SUGCT: variants seen among roughly 807,000 people sequenced by gnomAD.
SUGCT encodes the protein succinyl-CoA:glutarate CoA-transferase.
Under a neutral mutation model 55.0 loss-of-function variants are expected in SUGCT, and 41 were observed. The ratio of observed to expected loss-of-function variants is 0.74; its 90% confidence interval spans 0.58 to 0.97. The LOEUF is 0.97. SUGCT is among the 50% of genes least tolerant of loss of function. SUGCT has a pLI of 0.00. For synonymous variants in SUGCT, 187 were observed against 200.4 expected (o/e 0.93, Z 0.56); for missense variants, 568 against 547.8 (o/e 1.04, Z -0.37).
At chr7:40,325,385 G>C (rs1185571564) in intron 9 of SUGCT, among the ~76,000 whole-genome samples, 2 of 152,016 alleles carry the variant, frequency 1.3e-5, no homozygotes, top group South Asian at 2.1e-4. Context: ...AATAATTGTT[G>C]TATTAGTAAT....
chr7:40,162,591 G>A (rs983149221), intron 1 of SUGCT, among the ~76,000 whole-genome samples: 5 of 152,052 alleles, frequency 3.3e-5, no homozygotes, highest in South Asian at 2.1e-4. Flanking sequence ...ATCCTTCCAC[G>A]TCAGCCTCCT....
chr7:40,863,271 G>T (rs990036341), downstream of SUGCT, among the ~76,000 whole-genome samples: 2 of 152,070 alleles, frequency 1.3e-5, no homozygotes, highest in African/African-American at 2.4e-5. Context: ...GTTCATACCA[G>T]GACATTAGGC....
intron 8 of SUGCT, among the ~76,000 whole-genome samples, chr7:40,313,028 A>G (rs1412879746): frequency 1.3e-5 from 2 of 152,174 alleles, no homozygotes; most frequent in African/African-American, 2.4e-5. Flanking sequence ...ATAATTGGGC[A>G]TATTCTTCCT....
At chr7:40,927,411 C>T in the SUGCT span, among the ~76,000 whole-genome samples, 30 of 152,268 alleles carry the variant, frequency 2.0e-4, no homozygotes, top group Non-Finnish European at 4.3e-4. Context: ...ACAATATCCT[C>T]TGCATGCTTG....
At chr7:40,142,116 A>G (rs1788020519) in intron 1 of SUGCT, among the ~76,000 whole-genome samples, 1 of 152,108 alleles carries the variant, frequency 6.6e-6, no homozygotes, top group Admixed American at 6.6e-5. Flanking sequence ...TTAGGGTGGA[A>G]TAGGTAACTG....
the SUGCT span, among the ~76,000 whole-genome samples, chr7:40,938,775 G>C: frequency 3.9e-4 from 60 of 152,096 alleles, no homozygotes; most frequent in Non-Finnish European, 6.9e-4. Context: ...ATAGTATTTG[G>C]TTTTTTATTC....
intron 12 of SUGCT, among the ~76,000 whole-genome samples, chr7:40,697,087 T>C (rs781010931): frequency 5.9e-5 from 9 of 152,118 alleles, no homozygotes; most frequent in Non-Finnish European, 1.0e-4. Context: ...CACTCACACG[T>C]AACACACACA....
the SUGCT span, among the ~76,000 whole-genome samples, chr7:40,924,661 T>G: frequency 6.6e-6 from 1 of 152,120 alleles, no homozygotes; most frequent in South Asian, 2.1e-4. Flanking sequence ...CTCCTTCAAC[T>G]AGGTATCCAT....
At chr7:40,351,750 CTA>C (rs1562705633) in intron 9 of SUGCT, among the ~76,000 whole-genome samples, 1 of 152,134 alleles carries the variant, frequency 6.6e-6, no homozygotes, top group East Asian at 1.9e-4. Flanking sequence ...GCCAACTTAT[CTA>C]TGTTTTTGTC....
intron 6 of SUGCT, among the ~76,000 whole-genome samples, chr7:40,224,547 G>C (rs966559686): frequency 2.6e-5 from 4 of 152,106 alleles, no homozygotes; most frequent in Non-Finnish European, 5.9e-5. Flanking sequence ...TTGAATAATA[G>C]TTTTGAAGAC....
At chr7:40,575,700 C>T (rs1479262886) in intron 12 of SUGCT, among the ~76,000 whole-genome samples, 2 of 151,854 alleles carry the variant, frequency 1.3e-5, no homozygotes, top group East Asian at 1.9e-4. Flanking sequence ...AATCCCAGCA[C>T]TTTGGGAGGC....
chr7:40,584,668 A>G (rs1797282003), intron 12 of SUGCT, among the ~76,000 whole-genome samples: 1 of 152,226 alleles, frequency 6.6e-6, no homozygotes, highest in Non-Finnish European at 1.5e-5. Flanking sequence ...GACAGGAGAA[A>G]CTAAGGAATT....
At chr7:40,318,910 A>G (rs1298861360) in intron 9 of SUGCT, among the ~76,000 whole-genome samples, 1 of 152,184 alleles carries the variant, frequency 6.6e-6, no homozygotes, top group Non-Finnish European at 1.5e-5. Context: ...CTTTATATAG[A>G]CCTCAGCTAT....
At chr7:40,707,281 GT>G (rs1359757751) in intron 12 of SUGCT, among the ~76,000 whole-genome samples, 2 of 149,734 alleles carry the variant, frequency 1.3e-5, no homozygotes, top group Non-Finnish European at 3.0e-5. Flanking sequence ...CAAAGAGAAC[GT>G]TTTCTTCGTC....
the SUGCT span, among the ~76,000 whole-genome samples, chr7:40,936,813 C>A: frequency 2.6e-5 from 4 of 151,902 alleles, no homozygotes; most frequent in Non-Finnish European, 5.9e-5. Flanking sequence ...TTTCATTCAT[C>A]TCAAGCTGTT....
intron 12 of SUGCT, among the ~76,000 whole-genome samples, chr7:40,695,871 C>T (rs572482969): frequency 9.9e-5 from 15 of 152,186 alleles, no homozygotes; most frequent in Non-Finnish European, 2.2e-4. Flanking sequence ...TATCAGATGT[C>T]CCTGGAGGAG....
chr7:40,660,705 C>A (rs972160471), intron 12 of SUGCT, among the ~76,000 whole-genome samples: 1 of 152,208 alleles, frequency 6.6e-6, no homozygotes, highest in African/African-American at 2.4e-5. Context: ...GCCAACATCA[C>A]AACAGAGTTG....
intron 12 of SUGCT, among the ~76,000 whole-genome samples, chr7:40,501,744 A>G (rs1792292738): frequency 6.6e-6 from 1 of 152,100 alleles, no homozygotes; most frequent in African/African-American, 2.4e-5. Context: ...AATCAAGAGG[A>G]CAAAGCTGTC....
At chr7:40,233,206 A>G (rs1324201798) in intron 6 of SUGCT, among the ~76,000 whole-genome samples, 3 of 151,706 alleles carry the variant, frequency 2.0e-5, no homozygotes, top group Non-Finnish European at 4.4e-5. Flanking sequence ...TATGGAATAT[A>G]TATGTTTATT....
Sources: allele counts gnomAD v4.1 joint callset (sites outside exome capture counted in the v4.1 genomes callset), GRCh38; gene constraint gnomAD v4.1.1; transcripts MANE v1.5; gene names NCBI Gene and HGNC (gene_info 2026-07-23, HGNC 2026-07-21).